The following RBFOX1 variants were observed in gnomAD, a reference collection of about 807,000 sequenced individuals.
RBFOX1 encodes RNA binding protein fox-1 homolog 1.
RBFOX1 carries 8 observed loss-of-function variants against 57.7 expected under a neutral mutation model. The ratio of observed to expected loss-of-function variants is 0.14; its 90% CI spans 0.08 to 0.25. The LOEUF (loss-of-function observed/expected upper bound fraction) is 0.25. Ranked by LOEUF, RBFOX1 falls within the 10% of genes least tolerant of loss-of-function variation. The probability of loss-of-function intolerance (pLI) is 1.00; values close to 1 mark genes in which losing one functional copy is unlikely to be tolerated. For missense variants in RBFOX1, 611 were observed against 548.5 expected, an observed-to-expected ratio of 1.11 and a Z score of -1.14; for synonymous variants, 326 against 222.4, an observed-to-expected ratio of 1.47 and a Z score of -4.15.
At chr16:7,181,758 G>T (rs2082756037) in intron 4 of RBFOX1, among the ~76,000 whole-genome samples, 1 of 151,934 alleles carries the variant, frequency 6.6e-6, no homozygotes, top group Admixed American at 6.6e-5. Context: ...ACACAGTCTT[G>T]CCATGTTACC....
intron 4 of RBFOX1, among the ~76,000 whole-genome samples, chr16:7,055,066 T>C (rs538156798): frequency 6.6e-6 from 1 of 152,304 alleles, no homozygotes; most frequent in East Asian, 1.9e-4. Flanking sequence ...GCTTAATATC[T>C]TGAAGATATT....
chr16:6,733,197 C>T (rs2069127373), intron 3 of RBFOX1, among the ~76,000 whole-genome samples: 4 of 152,168 alleles, frequency 2.6e-5, no homozygotes, highest in Non-Finnish European at 2.9e-5. Context: ...GAAAGTGCTT[C>T]TTCACTATTT....
chr16:7,004,434 C>G (rs150167986), intron 3 of RBFOX1, among the ~76,000 whole-genome samples: 7 of 152,276 alleles, frequency 4.6e-5, no homozygotes, highest in East Asian at 3.9e-4. Context: ...GCATTTGGCT[C>G]TGGTGGAGTC....
At chr16:6,733,919 G>T (rs1326349812) in intron 3 of RBFOX1, among the ~76,000 whole-genome samples, 1 of 152,186 alleles carries the variant, frequency 6.6e-6, no homozygotes, top group Non-Finnish European at 1.5e-5. Context: ...CAGGGTTTCA[G>T]TTCTTAGATA....
intron 4 of RBFOX1, among the ~76,000 whole-genome samples, chr16:7,351,389 A>G (rs564803344): frequency 6.6e-6 from 1 of 152,282 alleles, no homozygotes; most frequent in African/African-American, 2.4e-5. Flanking sequence ...CGTGCAAGGC[A>G]CGATGGCAAA....
intron 4 of RBFOX1, among the ~76,000 whole-genome samples, chr16:7,414,102 C>A (rs1461761633): frequency 3.3e-5 from 5 of 152,160 alleles, no homozygotes; most frequent in Non-Finnish European, 7.3e-5. Context: ...TACAAAGAAA[C>A]CAGAAAATCC....
rs545815883 is a variant in RBFOX1, at chr16:5,989,154, A to G, written c.351+121819A>G. On this transcript the variant is annotated intron_variant, in intron 4 of 19. Coordinates refer to the RBFOX1 transcript ENST00000641259. ...ACTAACACAGTGAAACCCTGTCTCT[A>G]CTAAAAAAAAAAAAAAAATACAAAA... Among the ~76,000 whole-genome samples the G allele has an allele frequency of 4.6e-4, 67 of 145,114 alleles. 1 individual carries two copies. Among genetic ancestry groups the G allele is most frequent in the Non-Finnish European group, 8.1e-4 (53 of 65,496 alleles).
intron 4 of RBFOX1, among the ~76,000 whole-genome samples, chr16:5,952,122 C>T (rs2059533502): frequency 6.7e-6 from 1 of 150,108 alleles, no homozygotes. Flanking sequence ...TGTATACACA[C>T]ACACATATAT....
chr16:6,903,855 T>G (rs1217814118), intron 3 of RBFOX1, among the ~76,000 whole-genome samples: 1 of 152,096 alleles, frequency 6.6e-6, no homozygotes, highest in Non-Finnish European at 1.5e-5. Flanking sequence ...TGCACGTCAT[T>G]ACTTGGAAAG....
intron 2 of RBFOX1, among the ~76,000 whole-genome samples, chr16:6,635,515 G>A (rs2154065280): frequency 6.6e-6 from 1 of 152,196 alleles, no homozygotes; most frequent in East Asian, 1.9e-4. Context: ...GAGGGAAAGT[G>A]ATTCAGCAGG....
intron 3 of RBFOX1, among the ~76,000 whole-genome samples, chr16:5,748,649 C>G (rs554416528): frequency 5.1e-4 from 77 of 152,214 alleles, no homozygotes; most frequent in Non-Finnish European, 8.5e-4. Context: ...CTCTTTTGAT[C>G]TTTGTTGGTT....
At chr16:5,283,354 G>T (rs1025800430) in intron 1 of RBFOX1, among the ~76,000 whole-genome samples, 1 of 152,166 alleles carries the variant, frequency 6.6e-6, no homozygotes, top group African/African-American at 2.4e-5. Context: ...GCTGTGAGAA[G>T]AGGGCCACCA....
At chr16:6,763,921 G>A (rs1043869069) in intron 3 of RBFOX1, among the ~76,000 whole-genome samples, 23 of 152,184 alleles carry the variant, frequency 1.5e-4, no homozygotes, top group African/African-American at 5.3e-4. Context: ...GTTTGTATAT[G>A]TCCTATGGTT....
At chr16:7,651,354 C>A (rs368517337) in intron 11 of RBFOX1, among the ~76,000 whole-genome samples, 73 of 152,294 alleles carry the variant, frequency 4.8e-4, no homozygotes, top group African/African-American at 1.7e-3. Context: ...CTTCACCCAC[C>A]ATGTAAGTAC....
chr16:6,590,111 A>T (rs993280732), intron 2 of RBFOX1, among the ~76,000 whole-genome samples: 5 of 152,244 alleles, frequency 3.3e-5, no homozygotes, highest in African/African-American at 1.2e-4. Context: ...AGCGTTTTGT[A>T]AGCATCACCA....
intron 2 of RBFOX1, among the ~76,000 whole-genome samples, chr16:6,534,416 T>C (rs1480420784): frequency 2.6e-5 from 4 of 152,130 alleles, no homozygotes; most frequent in African/African-American, 4.8e-5. Context: ...AGTGATTGTC[T>C]TTCACCCGCT....
At chr16:5,605,492 C>T (rs1477788832) in intron 3 of RBFOX1, among the ~76,000 whole-genome samples, 1 of 151,908 alleles carries the variant, frequency 6.6e-6, no homozygotes, top group African/African-American at 2.4e-5. Flanking sequence ...AGTGGTGCCA[C>T]TGATGATTAA....
intron 4 of RBFOX1, among the ~76,000 whole-genome samples, chr16:7,323,667 C>G (rs553693474): frequency 2.6e-5 from 4 of 152,194 alleles, no homozygotes; most frequent in African/African-American, 9.7e-5. Flanking sequence ...ATGGAACAGA[C>G]TCTACTTCAT....
intron 4 of RBFOX1, among the ~76,000 whole-genome samples, chr16:5,996,094 T>C (rs7206649): frequency 0.72 from 109,894 of 152,056 alleles, 40,152 homozygotes; most frequent in East Asian, 0.86. Context: ...GACATAATCA[T>C]CTCTGAAGGA....
Sources: allele counts gnomAD v4.1 joint callset (sites outside exome capture counted in the v4.1 genomes callset), GRCh38; gene constraint gnomAD v4.1.1; transcripts MANE v1.5; gene names NCBI Gene and HGNC (gene_info 2026-07-23, HGNC 2026-07-21).